The following MYO1E variants were observed in gnomAD, a reference collection of about 807,000 sequenced individuals.
MYO1E encodes unconventional myosin-Ie.
MYO1E carries 68 observed loss-of-function variants against 151.1 expected under a neutral mutation model. That is an observed-to-expected ratio of 0.45 (90% CI 0.37 to 0.55). The LOEUF (loss-of-function observed/expected upper bound fraction) is 0.55, where lower values mean the gene tolerates loss of function less well. Ranked by LOEUF, MYO1E falls within the 20% of genes least tolerant of loss-of-function variation. MYO1E has a pLI of 0.00. For missense variants in MYO1E, 1,363 were observed against 1,389.3 expected, an observed-to-expected ratio of 0.98 and a Z score of 0.30; for synonymous variants, 601 against 501.7, an observed-to-expected ratio of 1.20 and a Z score of -2.64.
At chr15:59,355,689 G>A (rs1308956728) in intron 1 of MYO1E, among the ~76,000 whole-genome samples, 4 of 150,220 alleles carry the variant, frequency 2.7e-5, no homozygotes, top group Non-Finnish European at 5.9e-5. Flanking sequence ...CAATTCTTTC[G>A]ATTCCTTTTT....
chr15:59,151,041 A>ACGCGCG (rs2079473602), intron 26 of MYO1E, among the ~76,000 whole-genome samples: 1 of 92,776 alleles, frequency 1.1e-5, no homozygotes, highest in African/African-American at 6.2e-5. Flanking sequence ...ACACACACAC[A>ACGCGCG]CACACACACG....
chr15:59,261,551 C>T (rs1410198242), intron 2 of MYO1E, 42 bp from the exon 3 acceptor site: 1 of 1,298,206 alleles, frequency 7.7e-7, no homozygotes, highest in South Asian at 1.2e-5. Context: ...ATATTCATAG[C>T]TACACATTTT....
chr15:59,304,452 G>C (rs905129768), intron 1 of MYO1E, among the ~76,000 whole-genome samples: 2 of 152,178 alleles, frequency 1.3e-5, no homozygotes, highest in African/African-American at 4.8e-5. Context: ...TGAAATATGT[G>C]CTAGAATTTC....
chr15:59,250,709 G>A (rs1389517324), intron 4 of MYO1E, among the ~76,000 whole-genome samples: 1 of 152,172 alleles, frequency 6.6e-6, no homozygotes, highest in Non-Finnish European at 1.5e-5. Flanking sequence ...TGCAGGGTGG[G>A]CAGTCTACCG....
intron 26 of MYO1E, among the ~76,000 whole-genome samples, chr15:59,149,050 TTG>T (rs1465062544): frequency 2.5e-4 from 14 of 56,936 alleles, no homozygotes; most frequent in African/African-American, 5.1e-4. Context: ...TTTTTTTTTT[TTG>T]TTTTTTTTTT....
chr15:59,251,729 G>GCAA (rs2080166148), intron 4 of MYO1E, among the ~76,000 whole-genome samples: 1 of 152,084 alleles, frequency 6.6e-6, no homozygotes, highest in Non-Finnish European at 1.5e-5. Flanking sequence ...ACTGACTTGG[G>GCAA]AACCATGTAA....
intron 14 of MYO1E, chr15:59,207,658 G>A (rs753041468): frequency 3.6e-5 from 58 of 1,614,020 alleles, no homozygotes; most frequent in East Asian, 6.7e-5. Flanking sequence ...ATGGATCCTC[G>A]GAGAGCATGG....
chr15:59,173,364 A>G (rs1468864311), intron 21 of MYO1E, among the ~76,000 whole-genome samples: 2 of 152,252 alleles, frequency 1.3e-5, no homozygotes, highest in Non-Finnish European at 2.9e-5. Flanking sequence ...GCATCTGTCA[A>G]ATGGAATACT....
At position 59,161,146 on chromosome 15, in the gene MYO1E, C is replaced by G; in HGVS notation, c.2712G>C (p.Gly904=). The G allele has an allele frequency of 1.9e-6, 3 of 1,614,072 alleles. No individual in the cohort carries two copies. The highest frequency in any genetic ancestry group is 1.7e-6 in the Non-Finnish European group (2 of 1,180,014). ...SRQVQFHQGF[G]DLAVLKPSNK... is the part of the protein sequence containing the mutation. ...TACTGGGCTTGAGGACAGCCAGGTC[C>G]CCAAACCCTTGGTGGAACTGCACTT... is the stretch of plus-strand genomic sequence containing the variant. Residue 904 remains glycine, a synonymous_variant, in exon 24 of 28, where the codon GGG becomes GGC. Transcript: ENST00000288235.
chr15:59,147,507 G>C (rs1048591023), intron 26 of MYO1E, among the ~76,000 whole-genome samples: 1 of 148,672 alleles, frequency 6.7e-6, no homozygotes, highest in Admixed American at 6.8e-5. Flanking sequence ...CATGAGAATC[G>C]CTTGAACGTG....
At chr15:59,219,300 G>C (rs532379747) in intron 9 of MYO1E, among the ~76,000 whole-genome samples, 2 of 152,288 alleles carry the variant, frequency 1.3e-5, no homozygotes, top group South Asian at 4.1e-4. Context: ...AGAATGCTCA[G>C]ATTTTTCCAA....
intron 17 of MYO1E, 127 bp from the exon 18 acceptor site, chr15:59,188,343 A>G (rs2140325799): frequency 1.3e-6 from 1 of 767,420 alleles, no homozygotes; most frequent in East Asian, 2.5e-5. Context: ...TACAATTTAT[A>G]GTGTTCAAAC....
Position 59,372,603 on chromosome 15 carries a change from C to A in MYO1E, c.-103G>T. Reference sequence around the variant, plus strand: ...AACTTCAAAAGTTGGTTCCCCTCGCCAAAAACAGGCTCCCGACACCCAAGC... The same window carrying A: ...AACTTCAAAAGTTGGTTCCCCTCGCAAAAAACAGGCTCCCGACACCCAAGC... On this transcript the variant is annotated 5_prime_UTR_variant, in exon 1 of 28. Transcript: ENST00000288235. 2 of 1,422,160 alleles carry A rather than the reference C, an allele frequency of 1.4e-6. No individual in the cohort carries two copies. The highest frequency in any genetic ancestry group is 9.5e-7 in the Non-Finnish European group (1 of 1,053,334). 88.1% of individuals were successfully genotyped at this position (1,422,160 alleles called of 1,614,324 possible).
chr15:59,150,700 T>A (rs371761532), intron 26 of MYO1E, among the ~76,000 whole-genome samples: 12 of 152,078 alleles, frequency 7.9e-5, no homozygotes, highest in African/African-American at 2.7e-4. Context: ...CACCTTCACA[T>A]GGAGGCTTCC....
At chr15:59,309,912 C>T (rs1265581595) in intron 1 of MYO1E, among the ~76,000 whole-genome samples, 1 of 152,164 alleles carries the variant, frequency 6.6e-6, no homozygotes, top group Non-Finnish European at 1.5e-5. Context: ...CTAAGAATCA[C>T]CCTTGATCCT....
At position 59,161,156 on chromosome 15, in the gene MYO1E, T is replaced by G. The variant is rs199889674; in HGVS notation, c.2702A>C (p.Gln901Pro). 9.3e-6 allele frequency: 15 copies of G among 1,614,132 alleles called. No individual in the cohort carries two copies. In the East Asian group the frequency reaches 3.1e-4, roughly 34 times the overall value. ...GAGGACAGCCAGGTCCCCAAACCCT[T>G]GGTGGAACTGCACTTGCCGGGAGCC... is the stretch of plus-strand genomic sequence containing the variant. Reference protein sequence around the residue: ...AGGSRQVQFHQGFGDLAVLKP... With the variant: ...AGGSRQVQFHPGFGDLAVLKP... The change falls in exon 24 of 28, where the codon CAA becomes CCA. Residue 901 changes from glutamine to proline, a missense_variant. By Grantham distance (76) the Gln-to-Pro change is moderately conservative. Coordinates refer to ENST00000288235, the MANE Select transcript of MYO1E (RefSeq NM_004998.4).
At chr15:59,320,954 C>G (rs2080621987) in intron 1 of MYO1E, among the ~76,000 whole-genome samples, 1 of 152,098 alleles carries the variant, frequency 6.6e-6, no homozygotes, top group Admixed American at 6.6e-5. Flanking sequence ...AGTCTAATAT[C>G]CAGAATCCTT....
At chr15:59,335,498 G>C (rs1439901847) in intron 1 of MYO1E, among the ~76,000 whole-genome samples, 2 of 151,560 alleles carry the variant, frequency 1.3e-5, no homozygotes, top group African/African-American at 4.8e-5. Context: ...TGCCGAATAT[G>C]AATAAAAAAA....
At chr15:59,248,831 G>T (rs558048077) in intron 4 of MYO1E, among the ~76,000 whole-genome samples, 12 of 152,190 alleles carry the variant, frequency 7.9e-5, no homozygotes, top group Non-Finnish European at 1.6e-4. Context: ...TAGCAAATAC[G>T]ATCATCCCTT....
Sources: allele counts gnomAD v4.1 joint callset (sites outside exome capture counted in the v4.1 genomes callset), GRCh38; gene constraint gnomAD v4.1.1; transcripts MANE v1.5; gene names NCBI Gene and HGNC (gene_info 2026-07-23, HGNC 2026-07-21).